FURIN: variants seen among roughly 807,000 people sequenced by gnomAD.
FURIN encodes the protein furin, paired basic amino acid cleaving enzyme, also known as FES upstream region.
Under a neutral mutation model 89.2 loss-of-function variants are expected in FURIN, and 18 were observed. That is an observed-to-expected ratio of 0.20 (90% CI 0.14 to 0.30). The LOEUF is 0.30. FURIN is among the 10% of genes least tolerant of loss of function. The probability of loss-of-function intolerance (pLI) is 1.00; values close to 1 mark genes in which losing one functional copy is unlikely to be tolerated. For missense variants in FURIN, 879 were observed against 1,100.5 expected (o/e 0.80, Z 2.85); for synonymous variants, 508 against 466.4 (o/e 1.09, Z -1.15).
At chr15:90,872,356 T>G (rs907844180) in intron 1 of FURIN, among the ~76,000 whole-genome samples, 6 of 152,110 alleles carry the variant, frequency 3.9e-5, no homozygotes, top group African/African-American at 1.4e-4. Flanking sequence ...CAGAACCCGC[T>G]TTCCCATCAT....
Position 90,881,937 on chromosome 15 carries a change from A to C in FURIN, c.*59A>C. ...CTCCTTGGGCACTTTTTAATTCACC[A>C]AAGTATTTTTTTATCTTGGGACTGG... On this transcript the variant is annotated 3_prime_UTR_variant, in exon 16 of 16. Coordinates refer to ENST00000268171, the MANE Select transcript of FURIN (RefSeq NM_002569.4). This position sits in a 1 kb window ranked among gnomAD's most constrained non-coding sequence, Gnocchi z 4.3. 8.2e-7 allele frequency: 1 copy of C among 1,220,546 alleles called. No individual in the cohort carries two copies. The highest frequency in any genetic ancestry group is 1.3e-5 in the South Asian group (1 of 74,140). 75.6% of individuals were successfully genotyped at this position (1,220,546 alleles called of 1,614,324 possible). A position where few individuals can be genotyped will look rare whatever the true frequency, so the allele number is the denominator to read the frequency against.
intron 9 of FURIN, 26 bp from the exon 10 acceptor site, chr15:90,879,418 C>G: frequency 6.5e-7 from 1 of 1,534,624 alleles, no homozygotes; most frequent in Non-Finnish European, 9.0e-7. Flanking sequence ...CCATCACAGG[C>G]CCCAATATGA....
Position 90,875,783 on chromosome 15 carries a change from G to A in FURIN, c.43G>A (p.Gly15Arg). 1 of 1,557,278 alleles carries A rather than the reference G, an allele frequency of 6.4e-7. No individual in the cohort carries two copies. The highest frequency in any genetic ancestry group is 8.7e-7 in the Non-Finnish European group (1 of 1,149,706). ...PWLLWVVAAT[G>R]TLVLLAADAQ... ...GTTGCTATGGGTGGTAGCAGCAACA[G>A]GAACCTTGGTCCTGCTAGCAGCTGA... Residue 15 changes from glycine to arginine, a missense_variant, in exon 2 of 16, where the codon GGA becomes AGA. This residue lies in a region of FURIN where 125 missense variants were observed against 125.0 expected (regional missense o/e 1.00). Transcript: ENST00000268171.
rs779688396 is a variant in FURIN at position 90,880,230 on chromosome 15, C to T, written c.1513C>T (p.Leu505=). The stretch of plus-strand genomic sequence containing the variant: ...TCGCCGTGGCGACCTGGCCATCCAC[C>T]TGGTCAGCCCCATGGGCACCCGCTC... ...YNRRGDLAIH[L]VSPMGTRSTL... The change falls in exon 13 of 16, where the codon CTG becomes TTG. Residue 505 remains leucine, a synonymous_variant. Transcript: ENST00000268171. The T allele has an allele frequency of 9.9e-6, 16 of 1,612,088 alleles. No individual in the cohort carries two copies. In the South Asian group the frequency reaches 1.6e-4, roughly 17 times the overall value.
chr15:90,878,895 C>T lies in FURIN; in HGVS notation c.972C>T (p.Gly324=). Residue 324 remains glycine (G), a synonymous_variant, in exon 9 of 16, where the codon GGC becomes GGT. Coordinates refer to ENST00000268171, the MANE Select transcript of FURIN (RefSeq NM_002569.4). The part of the protein sequence containing the change: ...TLSISSATQF[G]NVPWYSEACS... ...CCATCAGCAGCGCCACGCAGTTTGGCAACGTGCCGTGGTACAGCGAGGCCT... is the reference window on the plus strand; with the variant it reads ...CCATCAGCAGCGCCACGCAGTTTGGTAACGTGCCGTGGTACAGCGAGGCCT... 6.2e-7 allele frequency: 1 copy of T among 1,613,060 alleles called. No individual in the cohort carries two copies. Among genetic ancestry groups the T allele is most frequent in the East Asian group, 2.2e-5 (1 of 44,892 alleles).
chr15:90,869,716 C>T (rs367995343), intron 1 of FURIN, among the ~76,000 whole-genome samples: 1 of 152,344 alleles, frequency 6.6e-6, no homozygotes, highest in East Asian at 1.9e-4. Context: ...CTAGCCCCTC[C>T]CCCTCCAAAG....
Position 90,876,367 on chromosome 15 carries a change from C to G in FURIN, c.276+14C>G. The G allele has an allele frequency of 6.3e-7, 1 of 1,582,750 alleles. No homozygotes were observed. The highest frequency in any genetic ancestry group is 8.7e-7 in the Non-Finnish European group (1 of 1,151,756). ...AGGGAGCCTCAAGTGAGTGTGGCCCCAGCCCCCTCCTGCTGCCACCCTCCC... is the reference window on the plus strand; with the variant it reads ...AGGGAGCCTCAAGTGAGTGTGGCCCGAGCCCCCTCCTGCTGCCACCCTCCC... On this transcript the variant is annotated intron_variant, in intron 3 of 15. Coordinates refer to ENST00000268171, the MANE Select transcript of FURIN (RefSeq NM_002569.4). The surrounding 1 kb of genome is among the most constrained non-coding windows in gnomAD (Gnocchi z 5.0).
intron 1 of FURIN, among the ~76,000 whole-genome samples, chr15:90,874,529 C>A (rs575941744): frequency 4.6e-5 from 7 of 152,388 alleles, no homozygotes; most frequent in African/African-American, 1.7e-4. Context: ...TCTCCACCCC[C>A]GCACCCCCTC....
At chr15:90,874,133 A>T (rs1047706445) in intron 1 of FURIN, among the ~76,000 whole-genome samples, 3 of 152,060 alleles carry the variant, frequency 2.0e-5, no homozygotes, top group African/African-American at 4.8e-5. Flanking sequence ...CACTGCTGGG[A>T]CCTCCCCTAG....
intron 1 of FURIN, among the ~76,000 whole-genome samples, chr15:90,870,172 G>A (rs548254279): frequency 1.1e-4 from 16 of 152,286 alleles, no homozygotes; most frequent in East Asian, 1.9e-4. Context: ...TTTATAGAGG[G>A]GTAAATTGAG....
chr15:90,881,031 G>T lies in FURIN; in HGVS notation c.1783G>T (p.Ala595Ser). ...CTGCAAGACCCTCACGTCCAGTCAG[G>T]CCTGTGTGGGTCAGTAGTGGGTGCT... ...SGCKTLTSSQ[A>S]CVVCEEGFSL... Residue 595 changes from alanine (A) to serine (S), a missense_variant, in exon 15 of 16, where the codon GCC becomes TCC. Physicochemically the swap from Ala to Ser is moderately conservative, Grantham distance 99. This residue lies in a region of FURIN where 457 missense variants were observed against 490.7 expected (regional missense o/e 0.93). Coordinates refer to ENST00000268171, the MANE Select transcript of FURIN (RefSeq NM_002569.4). This position sits in a 1 kb window ranked among gnomAD's most constrained non-coding sequence, Gnocchi z 4.3. 1 of 1,611,798 alleles carries T rather than the reference G, an allele frequency of 6.2e-7. No individual in the cohort carries two copies. Among genetic ancestry groups the T allele is most frequent in the Non-Finnish European group, 8.5e-7 (1 of 1,177,848 alleles).
rs149616063 is a variant in FURIN at position 90,881,870 on chromosome 15, G to A, written c.2377G>A (p.Ala793Thr). 70 of 1,607,882 alleles carry A rather than the reference G, an allele frequency of 4.4e-5. No individual in the cohort carries two copies. Among genetic ancestry groups the A allele is most frequent in the Non-Finnish European group, 5.3e-5 (62 of 1,176,772 alleles). The change falls in exon 16 of 16, where the codon GCC becomes ACC. Residue 793 changes from alanine (A) to threonine (T), a missense_variant. Physicochemically the swap from Ala to Thr is moderately conservative, Grantham distance 58. Transcript: ENST00000268171. The surrounding 1 kb of genome is among the most constrained non-coding windows in gnomAD (Gnocchi z 4.3). ...ERTAFIKDQS[A>T]L ...GACCGCCTTTATCAAAGACCAGAGC[G>A]CCCTCTGATGAGCCCACTGCCCACC...
At position 90,879,593 on chromosome 15, in the gene FURIN, GTAGGGCAGCCCT is replaced by G. The variant is rs1567084287; in HGVS notation, c.1154+59_1155-57del. 3.2e-6 allele frequency: 5 copies of G among 1,563,648 alleles called. No homozygotes were observed. The South Asian group carries it at 4.4e-5, about 14-fold the overall frequency. On this transcript the variant is annotated intron_variant, in intron 10 of 15. Transcript: ENST00000268171. The stretch of plus-strand genomic sequence containing the variant: ...AACCCTGTCCCTACCAGCACTCTCT[GTAGGGCAGCCCT>G]TAGGGCAGCTGGAGAGCTGCTCCCA...
rs779700593 is a variant in FURIN, at chr15:90,880,246, G to GCACC, written c.1531_1534dup (p.Arg512HisfsTer12). On this transcript the variant is annotated frameshift_variant, in exon 13 of 16. Transcript: ENST00000268171. LOFTEE classifies it high-confidence loss of function. ...GCCATCCACCTGGTCAGCCCCATGG[G>GCACC]CACCCGCTCCACCCTGCTGGCAGCC... 6.2e-7 allele frequency: 1 copy of GCACC among 1,609,594 alleles called. No homozygotes were observed. Among genetic ancestry groups the GCACC allele is most frequent in the Admixed American group, 1.7e-5 (1 of 59,818 alleles).
chr15:90,872,528 C>T (rs2031375266), intron 1 of FURIN, among the ~76,000 whole-genome samples: 2 of 152,296 alleles, frequency 1.3e-5, no homozygotes, highest in South Asian at 4.1e-4. Context: ...CCAAGCCTGA[C>T]CTCTTCTCAA....
In FURIN at chr15:90,879,665, T is replaced by G; in HGVS notation, c.1155-6T>G. On this transcript the variant is annotated splice_region_variant and splice_polypyrimidine_tract_variant and intron_variant, in intron 10 of 15. Transcript: ENST00000268171. ...GATCCCCAGCCTCTCCCTTCCTTCT[T>G]TGCAGTAAGAACCTCACATGGCGGG... 3.1e-6 allele frequency: 5 copies of G among 1,609,116 alleles called. No individual in the cohort carries two copies. The highest frequency in any genetic ancestry group is 4.2e-6 in the Non-Finnish European group (5 of 1,178,510).
At position 90,876,140 on chromosome 15, in the gene FURIN, G is replaced by C. The variant is rs1355541735; in HGVS notation, c.178-115G>C. 1.7e-5 allele frequency: 14 copies of C among 822,264 alleles called. No homozygotes were observed. Among genetic ancestry groups the C allele is most frequent in the Non-Finnish European group, 2.3e-5 (11 of 486,172 alleles). The allele number at this position is 822,264 out of a possible 1,614,324, so 50.9% of individuals were successfully genotyped here. ...GCTGGGTCCCGGACAGGGAGCAGAT[G>C]CCCCGCACCCCCGACCGTGGCGAGC... On this transcript the variant is annotated intron_variant, in intron 2 of 15. Coordinates refer to ENST00000268171, the MANE Select transcript of FURIN (RefSeq NM_002569.4). This position sits in a 1 kb window ranked among gnomAD's most constrained non-coding sequence, Gnocchi z 5.0.
At position 90,876,606 on chromosome 15, in the gene FURIN, C is replaced by A; in HGVS notation, c.372+49C>A. ...GGACCTCCTCCCCAGATGCACCATC[C>A]ACCCACTATGAGCTCTTGGATGGAG... On this transcript the variant is annotated intron_variant, in intron 4 of 15. Transcript: ENST00000268171. This position sits in a 1 kb window ranked among gnomAD's most constrained non-coding sequence, Gnocchi z 5.0. The A allele has an allele frequency of 8.3e-7, 1 of 1,206,508 alleles. No homozygotes were observed. Among genetic ancestry groups the A allele is most frequent in the Non-Finnish European group, 1.2e-6 (1 of 812,674 alleles). The allele number at this position is 1,206,508 out of a possible 1,614,324, so 74.7% of individuals were successfully genotyped here. A position where few individuals can be genotyped will look rare whatever the true frequency, so the allele number is the denominator to read the frequency against.
At position 90,876,035 on chromosome 15, in the gene FURIN, G is replaced by A; in HGVS notation, c.177+118G>A. On this transcript the variant is annotated intron_variant, in intron 2 of 15. Transcript: ENST00000268171. This position sits in a 1 kb window ranked among gnomAD's most constrained non-coding sequence, Gnocchi z 5.0. ...GCATCTGGGTAGCCGGCATGTTCTG[G>A]GTGGCCATGAGCAAAGCACAGGTGG... 1.1e-6 allele frequency: 1 copy of A among 944,026 alleles called. No homozygotes were observed. The highest frequency in any genetic ancestry group is 1.6e-6 in the Non-Finnish European group (1 of 636,708). The allele number at this position is 944,026 out of a possible 1,614,324, so 58.5% of individuals were successfully genotyped here.
Sources: gnomAD v4.1 joint callset for allele counts (sites outside exome capture counted in the v4.1 genomes callset) on GRCh38, gnomAD v4.1.1 for gene constraint, gnomAD v4.1.1 regional missense constraint, Gnocchi (gnomAD v3.1) non-coding constraint, MANE v1.5 for transcripts, NCBI Gene and HGNC (gene_info 2026-07-23, HGNC 2026-07-21) for gene names.